JCAD: variants seen among roughly 807,000 people sequenced by gnomAD.
JCAD encodes junctional cadherin 5 associated.
Under a neutral mutation model 98.0 loss-of-function variants are expected in JCAD, and 40 were observed. The observed-to-expected ratio is 0.41, with a 90% CI of 0.32 to 0.53. The LOEUF (loss-of-function observed/expected upper bound fraction) is 0.53, where lower values mean the gene tolerates loss of function less well. Among genes scored for constraint, JCAD ranks in the 20% least tolerant of loss-of-function variants. The pLI, the probability that JCAD is intolerant of heterozygous loss-of-function variation, is 0.31. For missense variants in JCAD, 1,705 were observed against 1,738.1 expected (o/e 0.98, Z 0.34); for synonymous variants, 691 against 682.3 (o/e 1.01, Z -0.20).
At chr10:30,040,294 T>C (rs1837216121) in intron 2 of JCAD, among the ~76,000 whole-genome samples, 1 of 152,220 alleles carries the variant, frequency 6.6e-6, no homozygotes. Flanking sequence ...CAAACCAGTA[T>C]TTCATTTATT....
chr10:30,028,362 T>C lies in JCAD; in HGVS notation c.1786A>G (p.Arg596Gly), dbSNP rs755728280. ...TTTAAGTCATTGTTGTCCATATCTC[T>C]ATCTGGCAGATGTGATTCTGATTTC... is the stretch of plus-strand genomic sequence containing the variant. ...PVKSESHLPD[R>G]DMDNNDLKPS... The change falls in exon 3 of 4, where the codon AGA (arginine) becomes GGA (glycine). Residue 596 changes from arginine to glycine, a missense_variant. Around this residue, in one of 3 missense-constraint regions of JCAD, gnomAD observed 1,278 missense variants for 1,243.1 expected, o/e 1.03. Transcript: ENST00000375377. The C allele has an allele frequency of 1.5e-5, 25 of 1,613,418 alleles. No homozygotes were observed. Among genetic ancestry groups the C allele is most frequent in the Non-Finnish European group, 2.1e-5 (25 of 1,179,392 alleles).
intron 2 of JCAD, among the ~76,000 whole-genome samples, chr10:30,047,245 G>A (rs1837357381): frequency 6.6e-6 from 1 of 152,164 alleles, no homozygotes; most frequent in Non-Finnish European, 1.5e-5. Flanking sequence ...GGTGGCACAT[G>A]CCTGTAATCC....
intron 1 of JCAD, among the ~76,000 whole-genome samples, chr10:30,083,936 AG>A (rs1433349690): frequency 1.3e-5 from 2 of 151,946 alleles, no homozygotes; most frequent in Non-Finnish European, 2.9e-5. Flanking sequence ...GTGGGAGGAT[AG>A]CTTGAGCCCA....
intron 3 of JCAD, among the ~76,000 whole-genome samples, chr10:30,019,551 T>TA (rs67228973): frequency 0.81 from 114,714 of 141,334 alleles, 47,066 homozygotes; most frequent in Non-Finnish European, 0.88. Context: ...TGGAATCATT[T>TA]AAAAAAAAAA....
intron 1 of JCAD, among the ~76,000 whole-genome samples, chr10:30,090,035 G>A (rs1838235850): frequency 1.3e-5 from 2 of 152,310 alleles, no homozygotes; most frequent in South Asian, 2.1e-4. Context: ...TCAACCTGAT[G>A]GGTGCTTATG....
intron 1 of JCAD, among the ~76,000 whole-genome samples, chr10:30,111,993 A>C (rs1210622500): frequency 6.6e-6 from 1 of 152,210 alleles, no homozygotes; most frequent in African/African-American, 2.4e-5. Context: ...ATATGGGTTT[A>C]AGTGAAAACT....
intron 2 of JCAD, among the ~76,000 whole-genome samples, chr10:30,038,260 G>A (rs1231102465): frequency 6.6e-6 from 1 of 152,202 alleles, no homozygotes; most frequent in Non-Finnish European, 1.5e-5. Flanking sequence ...GTGAAGGATG[G>A]CGCCAGCTTG....
chr10:30,069,660 C>A (rs1223157405), intron 2 of JCAD: 3 of 146,690 alleles, frequency 2.0e-5, no homozygotes, highest in Admixed American at 1.4e-4. Flanking sequence ...TCCACCACAA[C>A]CCCATATTTA....
At chr10:30,080,196 A>G (rs1838058452) in intron 1 of JCAD, among the ~76,000 whole-genome samples, 1 of 152,220 alleles carries the variant, frequency 6.6e-6, no homozygotes, top group Non-Finnish European at 1.5e-5. Flanking sequence ...TAGAAGAACT[A>G]CCAAGTTTCA....
intron 1 of JCAD, among the ~76,000 whole-genome samples, chr10:30,073,994 G>A (rs1055227017): frequency 6.6e-6 from 1 of 152,170 alleles, no homozygotes; most frequent in Admixed American, 6.5e-5. Context: ...GCATATGGCT[G>A]TGAGTGTGCC....
chr10:30,072,324 A>G (rs1488669694), intron 1 of JCAD, among the ~76,000 whole-genome samples: 1 of 152,232 alleles, frequency 6.6e-6, no homozygotes, highest in East Asian at 1.9e-4. Context: ...TTTATGTAAC[A>G]TCCCCATTTT....
At chr10:30,083,887 T>C (rs1838125202) in intron 1 of JCAD, among the ~76,000 whole-genome samples, 1 of 151,994 alleles carries the variant, frequency 6.6e-6, no homozygotes, top group Admixed American at 6.6e-5. Context: ...GAGCTGGGCA[T>C]AGTGGTACAC....
At chr10:30,102,443 T>C (rs143745570) in intron 1 of JCAD, among the ~76,000 whole-genome samples, 21 of 152,320 alleles carry the variant, frequency 1.4e-4, no homozygotes, top group African/African-American at 4.8e-4. Flanking sequence ...AGTGCTGGGA[T>C]TACAGGCGTG....
chr10:30,036,464 C>CA (rs1451515078), intron 2 of JCAD, among the ~76,000 whole-genome samples: 5 of 138,732 alleles, frequency 3.6e-5, no homozygotes, highest in Admixed American at 1.4e-4. Context: ...AAAAAAAAAA[C>CA]AAAAAAAATG....
intron 3 of JCAD, among the ~76,000 whole-genome samples, chr10:30,023,399 G>C (rs188709300): frequency 3.2e-4 from 48 of 152,280 alleles, no homozygotes; most frequent in Admixed American, 2.7e-3. Context: ...ACAATTGCCT[G>C]CAGTATTCCA....
At chr10:30,097,901 A>C (rs1233701926) in intron 1 of JCAD, among the ~76,000 whole-genome samples, 2 of 152,202 alleles carry the variant, frequency 1.3e-5, no homozygotes. Context: ...AAGGATAAGC[A>C]GCCTTTATAC....
At chr10:30,022,518 C>T (rs144345641) in intron 3 of JCAD, among the ~76,000 whole-genome samples, 120 of 152,246 alleles carry the variant, frequency 7.9e-4, no homozygotes, top group African/African-American at 2.8e-3. Context: ...CAACAGTGAG[C>T]GGAAAAGTGG....
At chr10:30,085,707 A>C (rs546286274) in intron 1 of JCAD, among the ~76,000 whole-genome samples, 15 of 152,330 alleles carry the variant, frequency 9.8e-5, no homozygotes, top group African/African-American at 3.4e-4. Flanking sequence ...AGCCTAAAAA[A>C]GTGGCCCTCC....
At chr10:30,059,597 C>CGCCCGCCCCGCCCACCGCCCGG (rs1356827990), upstream of JCAD, 38 of 128,864 alleles carry the variant, frequency 2.9e-4, no homozygotes, top group African/African-American at 1.6e-3. This position sits in a 1 kb window ranked among gnomAD's most constrained non-coding sequence, Gnocchi z 5.0. Flanking sequence ...GGAGAACCGC[C>CGCCCGCCCCGCCCACCGCCCGG]GTCCGCCCCG....
Sources: allele counts gnomAD v4.1 joint callset (sites outside exome capture counted in the v4.1 genomes callset), GRCh38; gene constraint gnomAD v4.1.1; regional missense constraint gnomAD v4.1.1; non-coding constraint Gnocchi (gnomAD v3.1); transcripts MANE v1.5; gene names NCBI Gene and HGNC (gene_info 2026-07-23, HGNC 2026-07-21).